The following FAM83F variants were observed in gnomAD, a reference collection of about 807,000 sequenced individuals.
FAM83F encodes the protein scaffolding CK1 anchoring protein F.
A neutral mutation model predicts 42.9 loss-of-function variants in FAM83F; 45 were observed. The ratio of observed to expected loss-of-function variants is 1.05; its 90% confidence interval spans 0.83 to 1.35. FAM83F has a LOEUF of 1.35. Ranked by LOEUF, FAM83F falls within the 40% of genes most tolerant of loss-of-function variation. The pLI, the probability that FAM83F is intolerant of heterozygous loss-of-function variation, is 0.00. For missense variants in FAM83F, 617 were observed against 695.9 expected, an observed-to-expected ratio of 0.89 and a Z score of 1.28; for synonymous variants, 306 against 298.3, an observed-to-expected ratio of 1.03 and a Z score of -0.27.
chr22:40,010,208 C>T (rs925593333), intron 1 of FAM83F: 1 of 152,110 alleles, frequency 6.6e-6, no homozygotes, highest in Non-Finnish European at 1.5e-5. Flanking sequence ...GGTTCTGAGC[C>T]CATGATATCA....
At chr22:39,998,797 C>T (rs2067383241) in intron 1 of FAM83F, 1 of 152,118 alleles carries the variant, frequency 6.6e-6, no homozygotes, top group South Asian at 2.1e-4. Context: ...AAATTAGAGG[C>T]AGAAAGGGCA....
rs968065320 is a variant in FAM83F at position 39,995,031 on chromosome 22, G to A, written c.-12G>A. On this transcript the variant is annotated 5_prime_UTR_variant, in exon 1 of 5. Transcript: ENST00000333407. The surrounding 1 kb of genome is among the most constrained non-coding windows in gnomAD (Gnocchi z 4.6). ...GGGCCGGGGCCAGGGCCGGGGCCGG[G>A]GCCGGGGCGCCATGGCCGAGTCCCA... 1.6e-5 allele frequency: 20 copies of A among 1,268,484 alleles called. No homozygotes were observed. In the African/African-American group the frequency reaches 3.0e-4, roughly 19 times the overall value. The allele number at this position is 1,268,484 out of a possible 1,614,324, so 78.6% of individuals were successfully genotyped here. A position where few individuals can be genotyped will look rare whatever the true frequency, so the allele number is the denominator to read the frequency against.
At chr22:40,012,689 G>C (rs921719881) in intron 1 of FAM83F, among the ~76,000 whole-genome samples, 1 of 151,584 alleles carries the variant, frequency 6.6e-6, no homozygotes, top group African/African-American at 2.4e-5. Flanking sequence ...AGAATCGCTT[G>C]AACCTGGGAG....
At chr22:40,008,931 C>A (rs1289452865) in intron 1 of FAM83F, among the ~76,000 whole-genome samples, 1 of 152,222 alleles carries the variant, frequency 6.6e-6, no homozygotes, top group Non-Finnish European at 1.5e-5. Context: ...GATAGACTAA[C>A]TCCCCTGGGC....
chr22:39,997,350 G>A (rs2067377324), intron 1 of FAM83F, among the ~76,000 whole-genome samples: 1 of 152,206 alleles, frequency 6.6e-6, no homozygotes, highest in African/African-American at 2.4e-5. Flanking sequence ...TGGGATGACA[G>A]GACTCTTTCC....
intron 1 of FAM83F, among the ~76,000 whole-genome samples, chr22:40,004,959 G>A (rs2067420370): frequency 6.6e-6 from 1 of 152,244 alleles, no homozygotes; most frequent in African/African-American, 2.4e-5. Context: ...AGGCAGGGCA[G>A]GCTGTGTACA....
intron 3 of FAM83F, among the ~76,000 whole-genome samples, chr22:40,020,350 C>T (rs569260253): frequency 1.4e-4 from 21 of 149,048 alleles, no homozygotes; most frequent in African/African-American, 5.2e-4. Context: ...CAGGGAATGT[C>T]GCCAGAATTT....
chr22:40,029,600 C>T lies in FAM83F; in HGVS notation c.*35C>T. The T allele has an allele frequency of 6.2e-7, 1 of 1,600,764 alleles. No individual in the cohort carries two copies. Among genetic ancestry groups the T allele is most frequent in the Non-Finnish European group, 8.5e-7 (1 of 1,173,206 alleles). On this transcript the variant is annotated 3_prime_UTR_variant, in exon 5 of 5. Transcript: ENST00000333407. ...TGGTGGTGGGCAGGACGTGTGGATGCCTGCCTGCCCTGCCCTGTGCTGTGG... is the reference window on the plus strand; with the variant it reads ...TGGTGGTGGGCAGGACGTGTGGATGTCTGCCTGCCCTGCCCTGTGCTGTGG...
chr22:40,017,483 T>A (rs1200971964), intron 1 of FAM83F, among the ~76,000 whole-genome samples: 1 of 152,212 alleles, frequency 6.6e-6, no homozygotes, highest in Non-Finnish European at 1.5e-5. Context: ...TTCACCCGCC[T>A]CAGCCTCCCA....
chr22:40,034,869 C>A lies in FAM83F; in HGVS notation c.*5304C>A, dbSNP rs796832291. 16 of 152,332 alleles carry A rather than the reference C, an allele frequency of 1.1e-4. 1 individual carries two copies. The highest frequency in any genetic ancestry group is 3.8e-4 in the African/African-American group (16 of 41,566). 9.4% of individuals were successfully genotyped at this position (152,332 alleles called of 1,614,324 possible). ...GGGTTTATCAAAAGTCCCTCCTGAT[C>A]TAATCCTTTCCTCTAGGAAGGCTTC... On this transcript the variant is annotated 3_prime_UTR_variant, in exon 5 of 5. Transcript: ENST00000333407.
chr22:40,001,738 G>A (rs2145707909), intron 1 of FAM83F, among the ~76,000 whole-genome samples: 1 of 152,272 alleles, frequency 6.6e-6, no homozygotes, highest in South Asian at 2.1e-4. Context: ...ATACTGGAAA[G>A]TATCATACAA....
At chr22:40,012,696 G>GCACAA (rs1356425013) in intron 1 of FAM83F, among the ~76,000 whole-genome samples, 1 of 151,432 alleles carries the variant, frequency 6.6e-6, no homozygotes, top group East Asian at 2.0e-4. Context: ...CTTGAACCTG[G>GCACAA]GAGTCAGAGG....
chr22:39,995,360 C>G lies in FAM83F; in HGVS notation c.318C>G (p.Ala106=). 1 of 1,543,982 alleles carries G rather than the reference C, an allele frequency of 6.5e-7. No homozygotes were observed. Among genetic ancestry groups the G allele is most frequent in the Admixed American group, 2.0e-5 (1 of 50,998 alleles). Residue 106 remains alanine (A), a synonymous_variant, in exon 1 of 5, where the codon GCC becomes GCG. Transcript: ENST00000333407. The surrounding 1 kb of genome is among the most constrained non-coding windows in gnomAD (Gnocchi z 4.6). ...CGGCTGAGTCCGGCGAGTCCCTGGC[C>G]TACTGGCCCGACCGTTCCGACACCG... ...PAPAESGESL[A]YWPDRSDTEV...
chr22:40,004,604 A>AT (rs2067418897), intron 1 of FAM83F, among the ~76,000 whole-genome samples: 1 of 151,970 alleles, frequency 6.6e-6, no homozygotes. Flanking sequence ...CACCCAGCTA[A>AT]TTTTTTATTT....
In FAM83F at chr22:40,039,534, G is replaced by T. The variant is rs984158530; in HGVS notation, c.*9969G>T. On this transcript the variant is annotated 3_prime_UTR_variant, in exon 5 of 5. Coordinates refer to ENST00000333407, the MANE Select transcript of FAM83F (RefSeq NM_138435.4). ...AGATAGTTTGTGTGACTTGCAAAAA[G>T]TCACGCAGCAAACAAGCTGCAGAAT... The T allele has an allele frequency of 6.6e-6, 1 of 152,250 alleles. No individual in the cohort carries two copies. Among genetic ancestry groups the T allele is most frequent in the Non-Finnish European group, 1.5e-5 (1 of 68,046 alleles). The allele number at this position is 152,250 out of a possible 1,614,324, so 9.4% of individuals were successfully genotyped here. A position where few individuals can be genotyped will look rare whatever the true frequency, so the allele number is the denominator to read the frequency against.
chr22:39,998,912 G>T (rs1569228597), intron 1 of FAM83F: 1 of 152,216 alleles, frequency 6.6e-6, no homozygotes, highest in Non-Finnish European at 1.5e-5. Context: ...AACTGCCCCG[G>T]AGTGGACTTA....
intron 4 of FAM83F, among the ~76,000 whole-genome samples, chr22:40,027,384 C>G (rs1375225548): frequency 6.6e-6 from 1 of 152,168 alleles, no homozygotes; most frequent in Non-Finnish European, 1.5e-5. Context: ...ACTGCAGGTC[C>G]CGAGTGCCCC....
rs2067366047 is a variant in FAM83F at position 39,995,069 on chromosome 22, G to A, written c.27G>A (p.Leu9=). The A allele has an allele frequency of 3.0e-6, 4 of 1,342,676 alleles. No individual in the cohort carries two copies. Among genetic ancestry groups the A allele is most frequent in the Middle Eastern group, 2.4e-4 (1 of 4,250 alleles). 83.2% of individuals were successfully genotyped at this position (1,342,676 alleles called of 1,614,324 possible). Residue 9 remains leucine (L), a synonymous_variant, in exon 1 of 5, where the codon CTG becomes CTA. Coordinates refer to ENST00000333407, the MANE Select transcript of FAM83F (RefSeq NM_138435.4). This position sits in a 1 kb window ranked among gnomAD's most constrained non-coding sequence, Gnocchi z 4.6. ...TGGCCGAGTCCCAGCTGAACTGCCT[G>A]GACGAGGCGCACGTGAACGAGAAGG... The part of the protein sequence containing the change: MAESQLNC[L]DEAHVNEKVT...
chr22:39,995,295 G>GGCAAGA lies in FAM83F; in HGVS notation c.259_264dup (p.Ser87_Lys88dup). On this transcript the variant is annotated inframe_insertion, in exon 1 of 5. Coordinates refer to ENST00000333407, the MANE Select transcript of FAM83F (RefSeq NM_138435.4). The surrounding 1 kb of genome is among the most constrained non-coding windows in gnomAD (Gnocchi z 4.6). ...CGCCGTCCCCGCCGCCAACGCCCGGGGCAAGAGCAAGGCCAAGGCCAAGGC... is the reference window on the plus strand; with the variant it reads ...CGCCGTCCCCGCCGCCAACGCCCGGGGCAAGAGCAAGAGCAAGGCCAAGGCCAAGGC... 1 of 1,536,988 alleles carries GGCAAGA rather than the reference G, an allele frequency of 6.5e-7. No homozygotes were observed. Among genetic ancestry groups the GGCAAGA allele is most frequent in the Non-Finnish European group, 8.7e-7 (1 of 1,145,818 alleles).
Sources: allele counts gnomAD v4.1 joint callset (sites outside exome capture counted in the v4.1 genomes callset), GRCh38; gene constraint gnomAD v4.1.1; non-coding constraint Gnocchi (gnomAD v3.1); transcripts MANE v1.5; gene names NCBI Gene and HGNC (gene_info 2026-07-23, HGNC 2026-07-21).